The following GPC5 variants were observed in gnomAD, a reference collection of about 807,000 sequenced individuals.
GPC5 encodes glypican 5.
In GPC5, 47 loss-of-function variants were observed where a neutral mutation model predicts 53.9. The ratio of observed to expected loss-of-function variants is 0.87; its 90% confidence interval spans 0.69 to 1.11. The LOEUF is 1.11. Among genes scored for constraint, GPC5 ranks in the 50% most tolerant of loss-of-function variants. The pLI is 0.00. For synonymous variants in GPC5, 286 were observed against 263.3 expected (o/e 1.09, Z -0.84); for missense variants, 748 against 713.1 (o/e 1.05, Z -0.56).
chr13:92,854,467 A>G (rs909607806), intron 7 of GPC5, among the ~76,000 whole-genome samples: 15 of 151,516 alleles, frequency 9.9e-5, no homozygotes, highest in Admixed American at 9.9e-4. Context: ...AGAAACAACT[A>G]AAATACAAGT....
intron 2 of GPC5, among the ~76,000 whole-genome samples, chr13:91,581,194 CT>C (rs1244792319): frequency 6.6e-6 from 1 of 152,118 alleles, no homozygotes; most frequent in Non-Finnish European, 1.5e-5. Flanking sequence ...CAAACCATAT[CT>C]TTACATATGT....
chr13:92,040,450 C>T (rs1202119536), intron 6 of GPC5, among the ~76,000 whole-genome samples: 4 of 152,076 alleles, frequency 2.6e-5, no homozygotes, highest in Admixed American at 6.6e-5. Flanking sequence ...AGCAGTAAGC[C>T]GGTTAGAAAA....
At chr13:91,708,107 C>A (rs945839753) in intron 3 of GPC5, among the ~76,000 whole-genome samples, 1 of 151,992 alleles carries the variant, frequency 6.6e-6, no homozygotes, top group East Asian at 1.9e-4. Flanking sequence ...AGACCTCAAG[C>A]GATTGGGACC....
chr13:92,568,073 GCA>G (rs1882914553), intron 7 of GPC5, among the ~76,000 whole-genome samples: 1 of 152,058 alleles, frequency 6.6e-6, no homozygotes, highest in African/African-American at 2.4e-5. Flanking sequence ...TGATATCCCA[GCA>G]CTCTGGCAGG....
intron 7 of GPC5, among the ~76,000 whole-genome samples, chr13:92,788,163 G>A (rs549375459): frequency 1.0e-3 from 157 of 151,946 alleles, no homozygotes; most frequent in African/African-American, 3.4e-3. Context: ...ACACTGAGAA[G>A]AAACACTTTT....
intron 5 of GPC5, among the ~76,000 whole-genome samples, chr13:91,790,215 C>T (rs1390392128): frequency 6.6e-6 from 1 of 152,106 alleles, no homozygotes; most frequent in African/African-American, 2.4e-5. Context: ...GTTTAATTTT[C>T]ATTTCTCAGA....
chr13:92,081,391 C>T lies in GPC5; in HGVS notation c.1402-63439C>T, dbSNP rs184901233. Among the ~76,000 whole-genome samples the T allele has an allele frequency of 8.3e-4, 126 of 152,282 alleles. 1 individual carries two copies. The highest frequency in any genetic ancestry group is 2.5e-3 in the African/African-American group (102 of 41,556). ...TGCTGGGATTACAGATTTGAGCCAC[C>T]GCGCCTGACCTGTGTCTTTCATCTT... On this transcript the variant is annotated intron_variant, in intron 6 of 7. Coordinates refer to ENST00000377067, the MANE Select transcript of GPC5 (RefSeq NM_004466.6).
At chr13:92,338,002 T>C (rs972207962) in intron 7 of GPC5, among the ~76,000 whole-genome samples, 2 of 151,974 alleles carry the variant, frequency 1.3e-5, no homozygotes, top group African/African-American at 4.8e-5. Flanking sequence ...TGAAAGAATA[T>C]GACAAAAGAA....
intron 2 of GPC5, among the ~76,000 whole-genome samples, chr13:91,538,878 C>A (rs9523354): frequency 6.6e-6 from 1 of 151,184 alleles, no homozygotes; most frequent in African/African-American, 2.4e-5. Context: ...TGTGAGCCAC[C>A]GTGCCCAGCC....
chr13:92,848,986 CAT>C (rs1438110928), intron 7 of GPC5, among the ~76,000 whole-genome samples: 2 of 152,002 alleles, frequency 1.3e-5, no homozygotes, highest in East Asian at 3.9e-4. Flanking sequence ...ATTCAAAATC[CAT>C]ATAATTCCCC....
rs1266842723 is a variant in GPC5 at position 92,106,895 on chromosome 13, A to C, written c.1402-37935A>C. On this transcript the variant is annotated intron_variant, in intron 6 of 7. Coordinates refer to ENST00000377067, the MANE Select transcript of GPC5 (RefSeq NM_004466.6). ...CTTGCAACAGATGACTTGCTCATAC[A>C]CCTTTCTGACTCACCATCACGGGTT... is the stretch of plus-strand genomic sequence containing the variant. 7.9e-5 allele frequency among the ~76,000 whole-genome samples: 12 copies of C among 152,194 alleles called. No individual in the cohort carries two copies. In the East Asian group the frequency reaches 2.3e-3, roughly 29 times the overall value.
chr13:92,663,298 A>C (rs2139189453), intron 7 of GPC5, among the ~76,000 whole-genome samples: 1 of 152,246 alleles, frequency 6.6e-6, no homozygotes, highest in South Asian at 2.1e-4. Flanking sequence ...GGAACTACAC[A>C]TAATGCAATT....
rs146696384 is a variant in GPC5, at chr13:92,076,403, G to C, written c.1402-68427G>C. Among the ~76,000 whole-genome samples the C allele has an allele frequency of 2.1e-3, 318 of 152,108 alleles. 2 individuals carry two copies. Among genetic ancestry groups the C allele is most frequent in the African/African-American group, 7.2e-3 (299 of 41,518 alleles). On this transcript the variant is annotated intron_variant, in intron 6 of 7. Coordinates refer to ENST00000377067, the MANE Select transcript of GPC5 (RefSeq NM_004466.6). The stretch of plus-strand genomic sequence containing the variant: ...AATTTTCATAGTTTCTTATTTATCT[G>C]TATTTTCCTATATGATTTTTGTTGA...
intron 6 of GPC5, among the ~76,000 whole-genome samples, chr13:92,044,595 G>T (rs749229454): frequency 1.3e-5 from 2 of 152,182 alleles, no homozygotes; most frequent in African/African-American, 2.4e-5. Flanking sequence ...ACATAAAACC[G>T]GGCAGCAAGT....
intron 7 of GPC5, among the ~76,000 whole-genome samples, chr13:92,167,885 A>AAAG (rs397699508): frequency 2.0e-5 from 3 of 151,576 alleles, no homozygotes; most frequent in African/African-American, 7.3e-5. Flanking sequence ...AAAAAAAAAA[A>AAAG]GATAGTTTTT....
At chr13:92,340,221 T>G (rs538590194) in intron 7 of GPC5, among the ~76,000 whole-genome samples, 1 of 152,278 alleles carries the variant, frequency 6.6e-6, no homozygotes, top group African/African-American at 2.4e-5. Context: ...TTATGTAGTT[T>G]ATTTTCAAGG....
At chr13:92,230,244 A>G (rs1481340554) in intron 7 of GPC5, among the ~76,000 whole-genome samples, 1 of 152,104 alleles carries the variant, frequency 6.6e-6, no homozygotes, top group East Asian at 1.9e-4. Context: ...ATATAAATTG[A>G]CTTTTTACAA....
At position 91,446,933 on chromosome 13, in the gene GPC5, A is replaced by G. The variant is rs192337897; in HGVS notation, c.164-1828A>G. 4.1e-3 allele frequency among the ~76,000 whole-genome samples: 624 copies of G among 152,360 alleles called. 2 individuals are homozygous for G. The highest frequency in any genetic ancestry group is 0.01 in the Middle Eastern group (3 of 294). On this transcript the variant is annotated intron_variant, in intron 1 of 7. Transcript: ENST00000377067. ...GGTAAGTGTGTCTGAGACAGAGAAG[A>G]GACCATGGAAAATGGTTCTGTGACA...
chr13:91,981,700 T>C (rs966359579), intron 6 of GPC5, among the ~76,000 whole-genome samples: 1 of 152,188 alleles, frequency 6.6e-6, no homozygotes, highest in African/African-American at 2.4e-5. Context: ...TAAACTAGTA[T>C]AGAAGACAAA....
Sources: gnomAD v4.1 joint callset for allele counts (sites outside exome capture counted in the v4.1 genomes callset) on GRCh38, gnomAD v4.1.1 for gene constraint, MANE v1.5 for transcripts, NCBI Gene and HGNC (gene_info 2026-07-23, HGNC 2026-07-21) for gene names.